Variants in TNIP3 observed in about 807,000 individuals in gnomAD.
TNIP3 encodes the protein TNFAIP3 interacting protein 3.
Under a neutral mutation model 54.1 loss-of-function variants are expected in TNIP3, and 34 were observed. The observed-to-expected ratio is 0.63, with a 90% CI of 0.48 to 0.84. The LOEUF is 0.84. Among genes scored for constraint, TNIP3 ranks in the 40% least tolerant of loss-of-function variants. The pLI is 0.00. For synonymous variants in TNIP3, 134 were observed against 136.8 expected (o/e 0.98, Z 0.14); for missense variants, 366 against 387.6 (o/e 0.94, Z 0.47).
At chr4:121,180,378 C>T (rs541499390) in intron 3 of TNIP3, among the ~76,000 whole-genome samples, 47 of 151,526 alleles carry the variant, frequency 3.1e-4, no homozygotes, top group Non-Finnish European at 5.9e-4. Context: ...CCAGCCTGGG[C>T]GACAGAGCGA....
At chr4:121,225,308 T>C (rs899062148) in intron 1 of TNIP3, among the ~76,000 whole-genome samples, 1 of 152,214 alleles carries the variant, frequency 6.6e-6, no homozygotes, top group African/African-American at 2.4e-5. Flanking sequence ...TAGAATATTT[T>C]CCCCCCATAT....
At chr4:121,212,910 C>T (rs1726556837) in intron 2 of TNIP3, among the ~76,000 whole-genome samples, 1 of 152,172 alleles carries the variant, frequency 6.6e-6, no homozygotes, top group Admixed American at 6.5e-5. Flanking sequence ...TCACTTAGCA[C>T]ATACATAGTA....
intron 5 of TNIP3, among the ~76,000 whole-genome samples, chr4:121,151,179 A>G (rs1032555157): frequency 2.6e-5 from 4 of 152,292 alleles, no homozygotes; most frequent in South Asian, 2.1e-4. Context: ...TAAAATGACT[A>G]CTTGCTCATT....
Position 121,132,666 on chromosome 4 carries a change from T to C in TNIP3, c.947-4A>G, listed in dbSNP as rs752884865. On this transcript the variant is annotated splice_region_variant and splice_polypyrimidine_tract_variant and intron_variant, in intron 10 of 10. Transcript: ENST00000057513. ...ACTTTCTTTACTGAGGATAAACCTA[T>C]GGAAAACAGTAGGAAAATGTTTTAG... is the stretch of plus-strand genomic sequence containing the variant. 3.1e-6 allele frequency: 5 copies of C among 1,609,260 alleles called. No homozygotes were observed. The South Asian group carries it at 3.3e-5, about 11-fold the overall frequency.
intron 2 of TNIP3, among the ~76,000 whole-genome samples, chr4:121,202,107 A>G (rs1725924416): frequency 6.6e-6 from 1 of 152,084 alleles, no homozygotes; most frequent in East Asian, 1.9e-4. Flanking sequence ...GCCAAAGTAA[A>G]ACTAAACAAA....
chr4:121,176,092 C>A lies in TNIP3; in HGVS notation c.189+6584G>T, dbSNP rs1180528001. The stretch of plus-strand genomic sequence containing the variant: ...CTCTATGGTGATATTTTGGGAAATA[C>A]AACCTGGCCTATTTATCCACTAATC... On this transcript the variant is annotated intron_variant, in intron 3 of 12. Transcript: ENST00000507879. Among the ~76,000 whole-genome samples the A allele has an allele frequency of 2.0e-5, 3 of 152,218 alleles. No homozygotes were observed. The East Asian group carries it at 5.8e-4, about 29-fold the overall frequency.
chr4:121,212,307 T>C (rs1398279903), intron 2 of TNIP3, among the ~76,000 whole-genome samples: 1 of 152,196 alleles, frequency 6.6e-6, no homozygotes, highest in Non-Finnish European at 1.5e-5. Flanking sequence ...AAAGCACAAG[T>C]TGTCCCAAAG....
chr4:121,182,979 T>C (rs569526567), intron 2 of TNIP3, among the ~76,000 whole-genome samples: 1 of 152,316 alleles, frequency 6.6e-6, no homozygotes, highest in South Asian at 2.1e-4. Context: ...TGAAAGAGCA[T>C]TAGAGTTTAA....
chr4:121,203,874 A>G (rs1037433284), intron 2 of TNIP3, among the ~76,000 whole-genome samples: 3 of 150,556 alleles, frequency 2.0e-5, no homozygotes, highest in South Asian at 2.1e-4. Context: ...TGTTTATACA[A>G]ATATAAGTAG....
intron 2 of TNIP3, among the ~76,000 whole-genome samples, chr4:121,206,665 GC>G (rs1726209685): frequency 6.6e-6 from 1 of 152,002 alleles, no homozygotes; most frequent in African/African-American, 2.4e-5. Flanking sequence ...TCCCACCTCA[GC>G]CTCCTGAGTA....
At chr4:121,165,094 T>C (rs1162802115), upstream of TNIP3, among the ~76,000 whole-genome samples, 2 of 151,770 alleles carry the variant, frequency 1.3e-5, no homozygotes, top group Non-Finnish European at 2.9e-5. Context: ...AAGGAAAGAA[T>C]GTGTAACTAA....
chr4:121,153,167 A>G (rs151254138), intron 5 of TNIP3, among the ~76,000 whole-genome samples: 17 of 152,310 alleles, frequency 1.1e-4, no homozygotes, highest in African/African-American at 3.1e-4. Context: ...AAATTTTAAA[A>G]TGTAAAATTT....
At chr4:121,176,089 A>G (rs1195833342) in intron 3 of TNIP3, among the ~76,000 whole-genome samples, 1 of 152,262 alleles carries the variant, frequency 6.6e-6, no homozygotes, top group Non-Finnish European at 1.5e-5. Context: ...ATTTTGGGAA[A>G]TACAACCTGG....
At chr4:121,210,347 A>G (rs1726413120) in intron 2 of TNIP3, among the ~76,000 whole-genome samples, 1 of 152,192 alleles carries the variant, frequency 6.6e-6, no homozygotes, top group African/African-American at 2.4e-5. Context: ...TGAATAACAG[A>G]AGTATTGGTG....
intron 2 of TNIP3, among the ~76,000 whole-genome samples, chr4:121,194,104 T>G (rs1725441869): frequency 1.3e-5 from 2 of 152,144 alleles, no homozygotes; most frequent in Admixed American, 1.3e-4. Flanking sequence ...TTAGATGTAG[T>G]AGTGTATCGA....
At chr4:121,194,202 A>C (rs1725448039) in intron 2 of TNIP3, among the ~76,000 whole-genome samples, 1 of 152,104 alleles carries the variant, frequency 6.6e-6, no homozygotes, top group Non-Finnish European at 1.5e-5. Context: ...ACCTTTTTAA[A>C]ATTTTTTTCT....
rs761079455 is a variant in TNIP3 at position 121,141,919 on chromosome 4, G to A, written c.787-5C>T. The A allele has an allele frequency of 1.3e-6, 2 of 1,587,150 alleles. No homozygotes were observed. Among genetic ancestry groups the A allele is most frequent in the South Asian group, 2.3e-5 (2 of 86,834 alleles). On this transcript the variant is annotated splice_polypyrimidine_tract_variant and splice_region_variant and intron_variant, in intron 8 of 10. Coordinates refer to ENST00000057513, the MANE Select transcript of TNIP3 (RefSeq NM_024873.6). Reference sequence around the variant, plus strand: ...GTTACAGGGTGGGCAATACATCTGAGGAGAACAAAACTGTGGGGTCACTAC... The same window carrying A: ...GTTACAGGGTGGGCAATACATCTGAAGAGAACAAAACTGTGGGGTCACTAC...
At chr4:121,189,367 T>C (rs907514538) in intron 2 of TNIP3, among the ~76,000 whole-genome samples, 2 of 152,232 alleles carry the variant, frequency 1.3e-5, no homozygotes, top group African/African-American at 4.8e-5. Flanking sequence ...AGTAGATTCT[T>C]CTATAATGGA....
intron 3 of TNIP3, among the ~76,000 whole-genome samples, chr4:121,180,733 G>A (rs899630195): frequency 1.3e-5 from 2 of 152,170 alleles, no homozygotes; most frequent in African/African-American, 4.8e-5. Context: ...CCCCCACACT[G>A]TTAAGTGATT....
Sources: gnomAD v4.1 joint callset for allele counts (sites outside exome capture counted in the v4.1 genomes callset) on GRCh38, gnomAD v4.1.1 for gene constraint, MANE v1.5 for transcripts, NCBI Gene and HGNC (gene_info 2026-07-23, HGNC 2026-07-21) for gene names.